Variants in FKTN observed in about 807,000 individuals in gnomAD.
The protein encoded by FKTN is fukutin.
Under a neutral mutation model 58.6 loss-of-function variants are expected in FKTN, and 47 were observed. The observed-to-expected ratio is 0.80, with a 90% CI of 0.63 to 1.02. The LOEUF (loss-of-function observed/expected upper bound fraction) is 1.02, where lower values mean the gene tolerates loss of function less well. FKTN is among the 50% of genes least tolerant of loss of function. The pLI is 0.00. For synonymous variants in FKTN, 178 were observed against 191.9 expected (o/e 0.93, Z 0.60); for missense variants, 516 against 537.3 (o/e 0.96, Z 0.39).
At chr9:105,563,420 A>T (rs886158361) in intron 1 of FKTN, among the ~76,000 whole-genome samples, 2 of 152,268 alleles carry the variant, frequency 1.3e-5, no homozygotes, top group African/African-American at 4.8e-5. Context: ...AGGGGGGACA[A>T]ATGGCACCTG....
At chr9:105,626,076 G>C (rs1236661161) in intron 10 of FKTN, among the ~76,000 whole-genome samples, 1 of 152,066 alleles carries the variant, frequency 6.6e-6, no homozygotes. Flanking sequence ...TCTTTGCTGT[G>C]TAGTAGTTAA....
At chr9:105,579,861 G>T (rs1392918154) in intron 3 of FKTN, among the ~76,000 whole-genome samples, 1 of 151,904 alleles carries the variant, frequency 6.6e-6, no homozygotes, top group East Asian at 1.9e-4. Context: ...TGTATTGGGT[G>T]CATATATATT....
At chr9:105,571,899 T>C (rs1352897425) in intron 1 of FKTN, among the ~76,000 whole-genome samples, 3 of 152,188 alleles carry the variant, frequency 2.0e-5, no homozygotes, top group South Asian at 2.1e-4. Context: ...GGAATGTTCA[T>C]TGGAGCATTT....
In FKTN at chr9:105,618,091, A is replaced by G. The variant is rs1294432294; in HGVS notation, c.1043A>G (p.Lys348Arg). Residue 348 changes from lysine to arginine, a missense_variant and splice_region_variant, in exon 9 of 11, where the codon AAG (lysine) becomes AGG (arginine). Physicochemically the swap from Lys to Arg is conservative, Grantham distance 26 (BLOSUM62 2). Transcript: ENST00000357998. Reference sequence around the variant, plus strand: ...CTTCCGCTCAAACACAAATTTGGGAAGGTCAGTAACAAAAGTCGGCTTCAT... The same window carrying G: ...CTTCCGCTCAAACACAAATTTGGGAGGGTCAGTAACAAAAGTCGGCTTCAT... ...AGLPLKHKFG[K>R]VEDSLELSFQ... 6.2e-7 allele frequency: 1 copy of G among 1,611,900 alleles called. No homozygotes were observed. The highest frequency in any genetic ancestry group is 1.1e-5 in the South Asian group (1 of 91,070).
intron 7 of FKTN, among the ~76,000 whole-genome samples, chr9:105,608,800 A>T (rs533471653): frequency 6.6e-6 from 1 of 152,350 alleles, no homozygotes; most frequent in East Asian, 1.9e-4. Flanking sequence ...TCCTTAAGTC[A>T]TTGTGGAGCT....
At chr9:105,615,158 A>T in intron 7 of FKTN, 120 bp from the exon 8 acceptor site, 1 of 1,063,936 alleles carries the variant, frequency 9.4e-7, no homozygotes, top group Non-Finnish European at 1.4e-6. Flanking sequence ...TTCTGGGGTT[A>T]CAGGCGTGAG....
intron 7 of FKTN, among the ~76,000 whole-genome samples, chr9:105,614,312 T>C (rs1279988885): frequency 6.6e-6 from 1 of 152,204 alleles, no homozygotes; most frequent in Non-Finnish European, 1.5e-5. Flanking sequence ...AGCAGTCCTG[T>C]GAAGTATAAT....
chr9:105,563,293 G>A lies in FKTN; in HGVS notation c.-181+5128G>A, dbSNP rs544512471. Among the ~76,000 whole-genome samples, 111 of 152,210 alleles carry A rather than the reference G, an allele frequency of 7.3e-4. 1 individual carries two copies. Among genetic ancestry groups the A allele is most frequent in the African/African-American group, 4.1e-4 (17 of 41,550 alleles). On this transcript the variant is annotated intron_variant, in intron 1 of 10. Coordinates refer to ENST00000357998, the MANE Select transcript of FKTN (RefSeq NM_001079802.2). Reference sequence around the variant, plus strand: ...TGAGTTCATCTCACTGGGGATTATCGGACAGTGGGTGCAGGACAGTGGGTG... The same window carrying A: ...TGAGTTCATCTCACTGGGGATTATCAGACAGTGGGTGCAGGACAGTGGGTG...
Position 105,582,538 on chromosome 9 carries a change from C to A in FKTN, c.105+7401C>A, listed in dbSNP as rs76173212. 5.4e-3 allele frequency among the ~76,000 whole-genome samples: 826 copies of A among 152,222 alleles called. 5 individuals are homozygous for A. The highest frequency in any genetic ancestry group is 0.019 in the African/African-American group (784 of 41,518). The stretch of plus-strand genomic sequence containing the variant: ...TAACAGAGATGTGAAATAATTTACC[C>A]ATACAAACCACCCAATATCTAATGT... On this transcript the variant is annotated intron_variant, in intron 3 of 10. Transcript: ENST00000357998.
Position 105,604,407 on chromosome 9 carries a change from C to T in FKTN, c.562C>T (p.His188Tyr), listed in dbSNP as rs192298554. The T allele has an allele frequency of 1.2e-6, 2 of 1,613,958 alleles. No homozygotes were observed. The highest frequency in any genetic ancestry group is 1.1e-5 in the South Asian group (1 of 91,080). The change falls in exon 6 of 11, where the codon CAC becomes TAC. Residue 188 changes from histidine (H) to tyrosine (Y), a missense_variant. His to Tyr is a moderately conservative substitution (Grantham distance 83). Coordinates refer to ENST00000357998, the MANE Select transcript of FKTN (RefSeq NM_001079802.2). ...GAGTGGCAACTACCTCTGGCACGGC[C>T]ACTTGAGACTTAAAGAACACATTGA... is the stretch of plus-strand genomic sequence containing the variant. Reference protein sequence around the residue: ...ERSGNYLWHGHLRLKEHIDRK... With the variant: ...ERSGNYLWHGYLRLKEHIDRK...
intron 10 of FKTN, among the ~76,000 whole-genome samples, chr9:105,628,074 C>T (rs942405265): frequency 1.6e-4 from 24 of 152,336 alleles, no homozygotes; most frequent in Non-Finnish European, 2.4e-4. Flanking sequence ...CTCATTGTCT[C>T]TCTCAGCTTC....
intron 1 of FKTN, among the ~76,000 whole-genome samples, chr9:105,564,579 C>A (rs1013250044): frequency 7.9e-5 from 12 of 152,082 alleles, no homozygotes; most frequent in Middle Eastern, 3.4e-3. Context: ...GAAATGAAGC[C>A]AGAAGAGAAG....
Position 105,639,938 on chromosome 9 carries a change from G to T in FKTN, c.*4674G>T. On this transcript the variant is annotated 3_prime_UTR_variant, in exon 11 of 11. Coordinates refer to ENST00000357998, the MANE Select transcript of FKTN (RefSeq NM_001079802.2). The stretch of plus-strand genomic sequence containing the variant: ...TGTAAATCTTTACCTCCTTGTTAGT[G>T]AAATTAGATATAAGCCATGATTTGG... The T allele has an allele frequency of 6.8e-7, 1 of 1,463,018 alleles. No individual in the cohort carries two copies. Among genetic ancestry groups the T allele is most frequent in the South Asian group, 1.4e-5 (1 of 69,548 alleles). The allele number at this position is 1,463,018 out of a possible 1,614,324, so 90.6% of individuals were successfully genotyped here.
At chr9:105,566,152 G>A (rs1839555224) in intron 1 of FKTN, among the ~76,000 whole-genome samples, 1 of 152,214 alleles carries the variant, frequency 6.6e-6, no homozygotes, top group African/African-American at 2.4e-5. Context: ...TTAAAGCAAT[G>A]TGTAGAGGGA....
chr9:105,619,867 T>A (rs1831535415), intron 9 of FKTN, 67 bp from the exon 10 acceptor site: 4 of 1,398,518 alleles, frequency 2.9e-6, no homozygotes, highest in East Asian at 4.9e-5. Flanking sequence ...TTTTATTTTT[T>A]AAAAAAAGGT....
intron 9 of FKTN, among the ~76,000 whole-genome samples, chr9:105,618,624 T>C (rs1354654534): frequency 1.3e-5 from 2 of 152,190 alleles, no homozygotes; most frequent in African/African-American, 2.4e-5. Flanking sequence ...AGCAGTTTGC[T>C]CAGACATCAA....
At chr9:105,611,542 T>A (rs1829912781) in intron 7 of FKTN, among the ~76,000 whole-genome samples, 1 of 152,124 alleles carries the variant, frequency 6.6e-6, no homozygotes, top group African/African-American at 2.4e-5. Flanking sequence ...GTTGTTCCCC[T>A]CTATGCGTCC....
intron 3 of FKTN, among the ~76,000 whole-genome samples, chr9:105,582,177 A>G (rs1843098264): frequency 6.6e-6 from 1 of 152,140 alleles, no homozygotes; most frequent in Non-Finnish European, 1.5e-5. Flanking sequence ...CTATTCGGCC[A>G]TCTTGGCTCC....
At position 105,579,573 on chromosome 9, in the gene FKTN, G is replaced by A. The variant is rs550695115; in HGVS notation, c.105+4436G>A. Among the ~76,000 whole-genome samples the A allele has an allele frequency of 2.6e-5, 4 of 150,948 alleles. No individual in the cohort carries two copies. In the South Asian group the frequency reaches 8.5e-4, roughly 32 times the overall value. The stretch of plus-strand genomic sequence containing the variant: ...TGTTCTTTTACATTTGCTGAGGAGA[G>A]CTTTACTTCCAAGTATGTGGTCAAT... On this transcript the variant is annotated intron_variant, in intron 3 of 10. Transcript: ENST00000357998.
Sources: allele counts gnomAD v4.1 joint callset (sites outside exome capture counted in the v4.1 genomes callset), GRCh38; gene constraint gnomAD v4.1.1; transcripts MANE v1.5; gene names NCBI Gene and HGNC (gene_info 2026-07-23, HGNC 2026-07-21).